Variants in APOB observed in about 807,000 individuals in gnomAD.
APOB encodes apolipoprotein B-100.
A neutral mutation model predicts 314.1 loss-of-function variants in APOB; 153 were observed. The observed-to-expected ratio is 0.49, with a 90% confidence interval of 0.43 to 0.56. APOB has a LOEUF of 0.56. Ranked by LOEUF, APOB falls within the 20% of genes least tolerant of loss-of-function variation. The pLI is 0.00. For missense variants in APOB, 5,430 were observed against 5,350.7 expected (o/e 1.01, Z -0.46); for synonymous variants, 2,087 against 2,036.4 (o/e 1.02, Z -0.67).
chr2:21,038,388 G>A (rs936297999), intron 4 of APOB, among the ~76,000 whole-genome samples: 10 of 151,720 alleles, frequency 6.6e-5, no homozygotes, highest in African/African-American at 2.4e-4. Context: ...CCGGGCTGGA[G>A]TGCAATGGCG....
At chr2:21,029,578 A>C in intron 12 of APOB, 61 bp downstream of exon 12, 1 of 1,573,600 alleles carries the variant, frequency 6.4e-7, no homozygotes, top group Non-Finnish European at 8.7e-7. Context: ...TCATTCCCCT[A>C]GTACCTTCCA....
At chr2:21,031,690 A>G (rs1006312711) in intron 10 of APOB, among the ~76,000 whole-genome samples, 5 of 152,192 alleles carry the variant, frequency 3.3e-5, no homozygotes, top group African/African-American at 7.2e-5. Context: ...ATCTACCAAG[A>G]ATACAAAAAT....
At position 21,005,819 on chromosome 2, in the gene APOB, G is replaced by A; in HGVS notation, c.11049C>T (p.Ser3683=). Residue 3683 remains serine (S), a synonymous_variant, in exon 26 of 29, where the codon AGC becomes AGT. Transcript: ENST00000233242. ...KNIILPVYDK[S]LWDFLKLDVT... ...CATCCAGCTTTAGGAAATCCCATAAGCTCTTGTCATAGACTGGTAGGATGA... is the reference window on the plus strand; with the variant it reads ...CATCCAGCTTTAGGAAATCCCATAAACTCTTGTCATAGACTGGTAGGATGA... 6.2e-7 allele frequency: 1 copy of A among 1,614,054 alleles called. No individual in the cohort carries two copies. The highest frequency in any genetic ancestry group is 8.5e-7 in the Non-Finnish European group (1 of 1,179,970).
intron 2 of APOB, 132 bp from the exon 3 acceptor site, chr2:21,042,608 C>G: frequency 1.4e-6 from 1 of 727,484 alleles, no homozygotes; most frequent in Admixed American, 2.0e-5. Context: ...TTTTAATTGA[C>G]TTTATACTTA....
At chr2:21,038,368 G>C (rs922719933) in intron 4 of APOB, among the ~76,000 whole-genome samples, 1 of 148,692 alleles carries the variant, frequency 6.7e-6, no homozygotes. Context: ...ATGGAGTCTC[G>C]CTCGGTCGCC....
chr2:21,006,685 A>G lies in APOB; in HGVS notation c.10183T>C (p.Leu3395=). Residue 3395 remains leucine (L), a synonymous_variant, in exon 26 of 29, where the codon TTA becomes CTA. Coordinates refer to ENST00000233242, the MANE Select transcript of APOB (RefSeq NM_000384.3). The part of the protein sequence containing the change: ...TRLTRKRGLK[L]ATALSLSNKF... The stretch of plus-strand genomic sequence containing the variant: ...TTGCTCAGAGACAGAGCTGTGGCTA[A>G]CTTCAATCCCCTTTTTCTTGTCAAT... 1 of 1,614,102 alleles carries G rather than the reference A, an allele frequency of 6.2e-7. No individual in the cohort carries two copies. The highest frequency in any genetic ancestry group is 8.5e-7 in the Non-Finnish European group (1 of 1,179,976).
rs1365795487 is a variant in APOB, at chr2:21,040,993, T to C, written c.328A>G (p.Lys110Glu). The C allele has an allele frequency of 1.2e-6, 2 of 1,614,022 alleles. No homozygotes were observed. Among genetic ancestry groups the C allele is most frequent in the South Asian group, 2.2e-5 (2 of 91,048 alleles). The change falls in exon 4 of 29, where the codon AAA becomes GAA. Residue 110 changes from lysine to glutamate, a missense_variant. Lys to Glu is a moderately conservative substitution (Grantham distance 56). This residue lies in a region of APOB where 2,085 missense variants were observed against 2,079.7 expected (regional missense o/e 1.00). Coordinates refer to ENST00000233242, the MANE Select transcript of APOB (RefSeq NM_000384.3). ...TTCTTGGTTTTCTTCAGCAAGGCTT[T>C]GCCCTCAGGGTTGAAGCCATACACC... ...KEVYGFNPEGKALLKKTKNSE... is the reference protein window; with the variant it reads ...KEVYGFNPEGEALLKKTKNSE...
At chr2:21,017,755 T>C (rs1484654743) in intron 20 of APOB, among the ~76,000 whole-genome samples, 1 of 152,200 alleles carries the variant, frequency 6.6e-6, no homozygotes, top group Non-Finnish European at 1.5e-5. Flanking sequence ...CTTCAATCCA[T>C]AGGCTGGTCC....
chr2:21,037,294 G>A (rs143912797), intron 5 of APOB, 39 bp from the exon 6 acceptor site: 114 of 1,605,860 alleles, frequency 7.1e-5, no homozygotes, highest in Admixed American at 1.8e-4. Flanking sequence ...TATTCAACAC[G>A]GGCAACATCC....
Position 21,029,770 on chromosome 2 carries a change from C to T in APOB, c.1486G>A (p.Gly496Ser). The T allele has an allele frequency of 1.2e-6, 2 of 1,614,096 alleles. No individual in the cohort carries two copies. The highest frequency in any genetic ancestry group is 1.7e-6 in the Non-Finnish European group (2 of 1,180,044). ...GGAGTTAACTGCTCCATGGTTTGGCCCATATTTCCAATGACCTGCATTGAA... is the reference window on the plus strand; with the variant it reads ...GGAGTTAACTGCTCCATGGTTTGGCTCATATTTCCAATGACCTGCATTGAA... ...YLILRVIGNM[G>S]QTMEQLTPEL... The change falls in exon 12 of 29, where the codon GGC (glycine) becomes AGC (serine). Residue 496 changes from glycine (G) to serine (S), a missense_variant. Transcript: ENST00000233242.
Position 21,029,955 on chromosome 2 carries a change from C to T in APOB, c.1413G>A (p.Met471Ile), listed in dbSNP as rs1438429086. 2 of 1,613,968 alleles carry T rather than the reference C, an allele frequency of 1.2e-6. No homozygotes were observed. The highest frequency in any genetic ancestry group is 1.7e-6 in the Non-Finnish European group (2 of 1,179,994). Residue 471 changes from methionine to isoleucine, a missense_variant, in exon 11 of 29, where the codon ATG (methionine) becomes ATA (isoleucine). Around this residue, in one of 3 missense-constraint regions of APOB, gnomAD observed 2,085 missense variants for 2,079.7 expected, o/e 1.00. Coordinates refer to ENST00000233242, the MANE Select transcript of APOB (RefSeq NM_000384.3). The stretch of plus-strand genomic sequence containing the variant: ...CAGTGCAGTCATCTTGAATCTGTTC[C>T]ATCAGGTAATTAGCAATGTCCAGCA... ...QELLDIANYLMEQIQDDCTGD... is the reference protein window; with the variant it reads ...QELLDIANYLIEQIQDDCTGD...
At chr2:21,024,676 G>A (rs1369762152) in intron 16 of APOB, 19 of 652,304 alleles carry the variant, frequency 2.9e-5, no homozygotes, top group African/African-American at 3.7e-5. Flanking sequence ...AAGGTATACC[G>A]AACATTGTTT....
chr2:21,036,172 C>A (rs771841208), intron 6 of APOB, among the ~76,000 whole-genome samples: 22 of 152,256 alleles, frequency 1.4e-4, no homozygotes, highest in Middle Eastern at 3.4e-3. Context: ...CAGCTTATCA[C>A]CTTATTGAGT....
At chr2:21,042,518 C>G (rs775786958) in intron 2 of APOB, 42 bp from the exon 3 acceptor site, 6 of 1,519,156 alleles carry the variant, frequency 3.9e-6, no homozygotes, top group East Asian at 2.2e-5. Context: ...GCAGAAATAG[C>G]TCTCCCAAGG....
In APOB at chr2:21,013,206, G is replaced by C. The variant is rs745951846; in HGVS notation, c.4170C>G (p.His1390Gln). 6.2e-7 allele frequency: 1 copy of C among 1,614,088 alleles called. No individual in the cohort carries two copies. The highest frequency in any genetic ancestry group is 1.3e-5 in the African/African-American group (1 of 74,938). The change falls in exon 25 of 29, where the codon CAC becomes CAG. Residue 1390 changes from histidine to glutamine, a missense_variant. Coordinates refer to ENST00000233242, the MANE Select transcript of APOB (RefSeq NM_000384.3). ...GGTCAACCACAGAGTCAGCCTTCAT[G>C]TGGTAACGAGCCCGAAGGCTGAAAT... ...TDHFSLRARY[H>Q]MKADSVVDLL...
At chr2:21,037,805 C>A (rs1356956078) in intron 5 of APOB, among the ~76,000 whole-genome samples, 153 bp downstream of exon 5, 7 of 152,272 alleles carry the variant, frequency 4.6e-5, no homozygotes, top group Middle Eastern at 3.4e-3. Context: ...GCAGGAGGAA[C>A]CTCGGGCACC....
rs1322531458 is a variant in APOB, at chr2:21,009,093, G to A, written c.7775C>T (p.Thr2592Ile). Residue 2592 changes from threonine (T) to isoleucine (I), a missense_variant, in exon 26 of 29, where the codon ACC becomes ATC. Coordinates refer to ENST00000233242, the MANE Select transcript of APOB (RefSeq NM_000384.3). The stretch of plus-strand genomic sequence containing the variant: ...AAAGGCAGGCATGGTCCCAAGGATG[G>A]TCTTGATTTCAGGAACAGTGAACCC... The part of the protein sequence containing the change: ...EQGFTVPEIK[T>I]ILGTMPAFEV... 1 of 1,614,058 alleles carries A rather than the reference G, an allele frequency of 6.2e-7. No homozygotes were observed. Among genetic ancestry groups the A allele is most frequent in the Non-Finnish European group, 8.5e-7 (1 of 1,179,954 alleles).
rs1663385640 is a variant in APOB at position 21,013,418 on chromosome 2, C to T, written c.3958G>A (p.Ala1320Thr). 3 of 1,614,216 alleles carry T rather than the reference C, an allele frequency of 1.9e-6. No homozygotes were observed. The highest frequency in any genetic ancestry group is 8.5e-7 in the Non-Finnish European group (1 of 1,180,038). Residue 1320 changes from alanine to threonine, a missense_variant, in exon 25 of 29, where the codon GCC becomes ACC. Transcript: ENST00000233242. The part of the protein sequence containing the change: ...LKMLETVRTP[A>T]LHFKSVGFHL... ...AATCCCACAGACTTGAAGTGGAGGGCTGGTGTCCTAACAGTCTCTAACATC... is the reference window on the plus strand; with the variant it reads ...AATCCCACAGACTTGAAGTGGAGGGTTGGTGTCCTAACAGTCTCTAACATC...
intron 27 of APOB, 54 bp from the exon 28 acceptor site, chr2:21,004,506 A>C: frequency 6.2e-7 from 1 of 1,613,228 alleles, no homozygotes; most frequent in Non-Finnish European, 8.5e-7. Context: ...AGATGAAGAA[A>C]ATCACAATGA....
Sources: gnomAD v4.1 joint callset for allele counts (sites outside exome capture counted in the v4.1 genomes callset) on GRCh38, gnomAD v4.1.1 for gene constraint, gnomAD v4.1.1 regional missense constraint, MANE v1.5 for transcripts, NCBI Gene and HGNC (gene_info 2026-07-23, HGNC 2026-07-21) for gene names.